Variants in PC observed in about 807,000 individuals in gnomAD.
The protein encoded by PC is pyruvate carboxylase, mitochondrial.
Under a neutral mutation model 107.8 loss-of-function variants are expected in PC, and 46 were observed. The ratio of observed to expected loss-of-function variants is 0.43; its 90% CI spans 0.34 to 0.55. The LOEUF (loss-of-function observed/expected upper bound fraction) is 0.55. Among genes scored for constraint, PC ranks in the 20% least tolerant of loss-of-function variants. The probability of loss-of-function intolerance (pLI) is 0.04; values close to 1 mark genes in which losing one functional copy is unlikely to be tolerated. For synonymous variants in PC, 662 were observed against 684.7 expected (o/e 0.97, Z 0.52); for missense variants, 1,241 against 1,643.1 (o/e 0.76, Z 4.23).
At chr11:66,859,524 A>G in intron 12 of PC, 2 of 1,540,552 alleles carry the variant, frequency 1.3e-6, no homozygotes, top group South Asian at 2.5e-5. Flanking sequence ...TGAACCCAAG[A>G]GCCCGAGTGG....
intron 3 of PC, among the ~76,000 whole-genome samples, chr11:66,923,574 C>T (rs1281741408): frequency 6.6e-5 from 10 of 151,754 alleles, no homozygotes; most frequent in Admixed American, 2.6e-4. Context: ...GTAGTAGTGG[C>T]GCGATCTCGG....
intron 3 of PC, among the ~76,000 whole-genome samples, chr11:66,920,392 A>G (rs7944999): frequency 0.44 from 66,763 of 151,740 alleles, 14,985 homozygotes; most frequent in Middle Eastern, 0.48. Context: ...TGTTAGGAAA[A>G]CCTGAAACTT....
chr11:66,885,226 C>A (rs533033573), intron 3 of PC, among the ~76,000 whole-genome samples: 1 of 152,152 alleles, frequency 6.6e-6, no homozygotes, highest in African/African-American at 2.4e-5. Flanking sequence ...CGATGGCTCA[C>A]GCCTGTAATC....
At chr11:66,917,033 C>A (rs1948478486) in intron 3 of PC, among the ~76,000 whole-genome samples, 1 of 151,904 alleles carries the variant, frequency 6.6e-6, no homozygotes, top group Non-Finnish European at 1.5e-5. Context: ...CTGAGCAAAT[C>A]ATCTACAAAC....
intron 3 of PC, among the ~76,000 whole-genome samples, chr11:66,940,130 A>G (rs1478039074): frequency 6.6e-6 from 1 of 152,162 alleles, no homozygotes; most frequent in African/African-American, 2.4e-5. Flanking sequence ...CACAGTATGG[A>G]AGAAAATATT....
chr11:66,919,188 G>A (rs1285338222), intron 3 of PC, among the ~76,000 whole-genome samples: 1 of 152,216 alleles, frequency 6.6e-6, no homozygotes, highest in Non-Finnish European at 1.5e-5. Flanking sequence ...GGCCAAGGGA[G>A]GTGCATCACT....
At chr11:66,928,488 T>C (rs937468233) in intron 3 of PC, among the ~76,000 whole-genome samples, 3 of 151,374 alleles carry the variant, frequency 2.0e-5, no homozygotes, top group African/African-American at 4.9e-5. Flanking sequence ...GTCTACCTAG[T>C]AGTGCAAAAA....
chr11:66,878,487 T>C (rs1385207478), intron 3 of PC, among the ~76,000 whole-genome samples: 1 of 152,218 alleles, frequency 6.6e-6, no homozygotes, highest in Non-Finnish European at 1.5e-5. Context: ...GGCCACCAAG[T>C]GTCTGCTTAG....
rs1291183199 is a variant in PC, at chr11:66,870,860, T to C, written c.666A>G (p.Ser222=). Residue 222 remains serine, a synonymous_variant, in exon 8 of 23, where the codon TCA becomes TCG. Transcript: ENST00000393960. This position sits in a 1 kb window ranked among gnomAD's most constrained non-coding sequence, Gnocchi z 6.1. ...CATTCCCAAAGGCGGCCAGAGCCTC[T>C]GAGTAGGCCCGGGTGTAATTCTCCT... ...ELEENYTRAY[S]EALAAFGNGA... 1 of 1,613,518 alleles carries C rather than the reference T, an allele frequency of 6.2e-7. No individual in the cohort carries two copies. The highest frequency in any genetic ancestry group is 8.5e-7 in the Non-Finnish European group (1 of 1,179,994).
chr11:66,949,698 A>C (rs964925483), intron 3 of PC, among the ~76,000 whole-genome samples: 2 of 152,208 alleles, frequency 1.3e-5, no homozygotes, highest in African/African-American at 4.8e-5. Flanking sequence ...AAGCCCCCTG[A>C]AAGTGACTGT....
chr11:66,862,291 G>A (rs775548003), intron 12 of PC, among the ~76,000 whole-genome samples: 3 of 152,202 alleles, frequency 2.0e-5, no homozygotes, highest in East Asian at 3.9e-4. Flanking sequence ...TCTAGGAAGT[G>A]CGCTGTTCCC....
At chr11:66,881,536 G>A (rs1261396907) in intron 3 of PC, among the ~76,000 whole-genome samples, 3 of 152,230 alleles carry the variant, frequency 2.0e-5, no homozygotes, top group Admixed American at 2.0e-4. Flanking sequence ...CAGGGCGAGG[G>A]CCTGGCCGTC....
intron 12 of PC, among the ~76,000 whole-genome samples, chr11:66,853,683 C>T (rs1945642423): frequency 1.3e-5 from 2 of 152,320 alleles, no homozygotes; most frequent in African/African-American, 4.8e-5. Context: ...TCTCCAGCAG[C>T]GTGGCCCACA....
Position 66,868,833 on chromosome 11 carries a change from C to T in PC, c.1022+13G>A, listed in dbSNP as rs766733979. On this transcript the variant is annotated intron_variant, in intron 10 of 22. Transcript: ENST00000393960. The stretch of plus-strand genomic sequence containing the variant: ...AGCCGCGCCTCCCGCCCCGCCTGCC[C>T]GCCCACACTCACTCGGTGATCTCCT... The T allele has an allele frequency of 3.4e-5, 54 of 1,600,324 alleles. No individual in the cohort carries two copies. Among genetic ancestry groups the T allele is most frequent in the East Asian group, 6.7e-5 (3 of 44,824 alleles).
At position 66,852,692 on chromosome 11, in the gene PC, T is replaced by C; in HGVS notation, c.1604-32A>G. 6.2e-7 allele frequency: 1 copy of C among 1,610,292 alleles called. No homozygotes were observed. Among genetic ancestry groups the C allele is most frequent in the Non-Finnish European group, 8.5e-7 (1 of 1,176,836 alleles). On this transcript the variant is annotated intron_variant, in intron 14 of 22. Coordinates refer to ENST00000393960, the MANE Select transcript of PC (RefSeq NM_001040716.2). This position sits in a 1 kb window ranked among gnomAD's most constrained non-coding sequence, Gnocchi z 4.7. ...TAGACAGGGGCATTGGTGCCCATCC[T>C]GCAGGTGGCAACCTCCTGTCTCCCC...
rs139065746 is a variant in PC, at chr11:66,850,936, GGA to G, written c.2224-15_2224-14del. 2,607 of 1,313,122 alleles carry G rather than the reference GGA, an allele frequency of 2.0e-3. 1 individual carries two copies. Among genetic ancestry groups the G allele is most frequent in the Admixed American group, 5.5e-3 (261 of 47,826 alleles). 81.3% of individuals were successfully genotyped at this position (1,313,122 alleles called of 1,614,324 possible). Reference sequence around the variant, plus strand: ...GCCCGGCCATGTCCTGGGGGAAGTGGGAGAGAGAGAGAGAGAGATGGTAGAGA... The same window carrying G: ...GCCCGGCCATGTCCTGGGGGAAGTGGGAGAGAGAGAGAGAGATGGTAGAGA... On this transcript the variant is annotated splice_polypyrimidine_tract_variant and intron_variant, in intron 17 of 22. Transcript: ENST00000393960.
In PC at chr11:66,868,739, G is replaced by A. The variant is rs1033022655; in HGVS notation, c.1022+107C>T. ...TGGATCCCCATTGCTCTCCACCAATGTGGGGAGTGAGCAAGCCCCCTGGCT... is the reference window on the plus strand; with the variant it reads ...TGGATCCCCATTGCTCTCCACCAATATGGGGAGTGAGCAAGCCCCCTGGCT... On this transcript the variant is annotated intron_variant, in intron 10 of 22. Transcript: ENST00000393960. The A allele has an allele frequency of 1.1e-5, 9 of 812,248 alleles. No individual in the cohort carries two copies. The Admixed American group carries it at 1.5e-4, about 14-fold the overall frequency. The allele number at this position is 812,248 out of a possible 1,614,324, so 50.3% of individuals were successfully genotyped here.
At chr11:66,935,855 G>A (rs1948986738) in intron 3 of PC, among the ~76,000 whole-genome samples, 1 of 152,218 alleles carries the variant, frequency 6.6e-6, no homozygotes, top group East Asian at 1.9e-4. Flanking sequence ...TCAGGAGGCC[G>A]AGGCAGGAGG....
intron 3 of PC, among the ~76,000 whole-genome samples, chr11:66,936,504 A>G (rs1191209053): frequency 6.6e-6 from 1 of 152,108 alleles, no homozygotes; most frequent in Admixed American, 6.6e-5. Context: ...TAAAGGGTAA[A>G]TTCCCCTTTG....
Sources: allele counts gnomAD v4.1 joint callset (sites outside exome capture counted in the v4.1 genomes callset), GRCh38; gene constraint gnomAD v4.1.1; non-coding constraint Gnocchi (gnomAD v3.1); transcripts MANE v1.5; gene names NCBI Gene and HGNC (gene_info 2026-07-23, HGNC 2026-07-21).